The following PCDHA11 variants were observed in gnomAD, a reference collection of about 807,000 sequenced individuals.
PCDHA11 encodes protocadherin alpha-11.
In PCDHA11, 61 loss-of-function variants were observed where a neutral mutation model predicts 70.3. That is an observed-to-expected ratio of 0.87 (90% CI 0.71 to 1.07). The LOEUF is 1.07. Ranked by LOEUF, PCDHA11 falls within the 50% of genes least tolerant of loss-of-function variation. The pLI is 0.00. For missense variants in PCDHA11, 1,324 were observed against 1,237.5 expected, an observed-to-expected ratio of 1.07 and a Z score of -1.05; for synonymous variants, 633 against 555.1, an observed-to-expected ratio of 1.14 and a Z score of -1.97.
At chr5:140,989,105 T>G (rs550881823) in intron 3 of PCDHA11, 2 of 152,232 alleles carry the variant, frequency 1.3e-5, no homozygotes, top group African/African-American at 4.8e-5. Flanking sequence ...GAAACAACTT[T>G]TGAATATATC....
chr5:140,940,361 A>T (rs1396183629), intron 1 of PCDHA11, among the ~76,000 whole-genome samples: 1 of 152,210 alleles, frequency 6.6e-6, no homozygotes, highest in Non-Finnish European at 1.5e-5. Flanking sequence ...TGCTATTAAA[A>T]GTATTCCTTG....
chr5:140,941,242 T>TC (rs1312617364), intron 1 of PCDHA11, among the ~76,000 whole-genome samples: 1 of 141,172 alleles, frequency 7.1e-6, no homozygotes, highest in East Asian at 2.0e-4. Flanking sequence ...TTTCTTTCTT[T>TC]CTTTCTTTCT....
At chr5:140,902,509 A>G (rs1242435474) in intron 1 of PCDHA11, among the ~76,000 whole-genome samples, 2 of 152,056 alleles carry the variant, frequency 1.3e-5, no homozygotes, top group Non-Finnish European at 2.9e-5. Context: ...TGAGTCTGTC[A>G]TATATGGTTT....
chr5:140,975,056 A>C (rs1006106436), intron 1 of PCDHA11, among the ~76,000 whole-genome samples: 1 of 152,154 alleles, frequency 6.6e-6, no homozygotes, highest in Non-Finnish European at 1.5e-5. Flanking sequence ...AGAATCTACT[A>C]TCGAGCTCAT....
At chr5:140,992,637 G>A (rs31872) in intron 3 of PCDHA11, among the ~76,000 whole-genome samples, 103,738 of 151,942 alleles carry the variant, frequency 0.68, 36,576 homozygotes, top group African/African-American at 0.86. Flanking sequence ...AACTTCCCTG[G>A]AAAATAGAAG....
chr5:140,995,276 C>T (rs2097674050), intron 3 of PCDHA11, among the ~76,000 whole-genome samples: 4 of 152,030 alleles, frequency 2.6e-5, no homozygotes, highest in Non-Finnish European at 1.5e-5. Flanking sequence ...CCCTTTGATA[C>T]CAAAACAGCC....
intron 1 of PCDHA11, among the ~76,000 whole-genome samples, chr5:140,900,796 A>G (rs1269266602): frequency 1.3e-5 from 2 of 152,188 alleles, no homozygotes; most frequent in Admixed American, 6.5e-5. Flanking sequence ...ACTGTTCTCC[A>G]TAGTGCTTGT....
intron 1 of PCDHA11, chr5:140,883,809 G>A (rs781801106): frequency 6.2e-7 from 1 of 1,612,420 alleles, no homozygotes; most frequent in East Asian, 2.2e-5. Context: ...CACGCGGAGA[G>A]CGGCAAGGTG....
chr5:140,897,790 T>C (rs1219376194), intron 1 of PCDHA11, among the ~76,000 whole-genome samples: 378 of 152,274 alleles, frequency 2.5e-3, no homozygotes, highest in African/African-American at 8.4e-3. Flanking sequence ...GTTGAACTAG[T>C]TTAGAGTCCC....
chr5:140,928,563 T>C lies in PCDHA11; in HGVS notation c.2392-50386T>C, dbSNP rs138980511. 9.3e-4 allele frequency: 1,498 copies of C among 1,614,116 alleles called. 1 individual carries two copies. Among genetic ancestry groups the C allele is most frequent in the Non-Finnish European group, 1.2e-3 (1,397 of 1,180,050 alleles). On this transcript the variant is annotated intron_variant, in intron 1 of 3. Coordinates refer to ENST00000398640, the MANE Select transcript of PCDHA11 (RefSeq NM_018902.5). ...ATGACAATTATCCGGTTATCTTGTT[T>C]CCCTTGCCCAGAAATGGTTCTGTCC...
At chr5:140,958,133 G>T (rs1472500802) in intron 1 of PCDHA11, among the ~76,000 whole-genome samples, 2 of 152,046 alleles carry the variant, frequency 1.3e-5, no homozygotes, top group East Asian at 3.8e-4. Flanking sequence ...ATGTATCAGT[G>T]TGTATATTTA....
At chr5:140,895,389 C>T (rs553681530) in intron 1 of PCDHA11, among the ~76,000 whole-genome samples, 1 of 152,098 alleles carries the variant, frequency 6.6e-6, no homozygotes, top group South Asian at 2.1e-4. Context: ...CTTCAATTCT[C>T]AACACCATCA....
rs371557347 is a variant in PCDHA11, at chr5:140,870,420, G to T, written c.1317G>T (p.Arg439Ser). The change falls in exon 1 of 4, where the codon AGG (arginine) becomes AGT (serine). Residue 439 changes from arginine (R) to serine (S), a missense_variant. Transcript: ENST00000398640. ...CGCCTTCTCTGTGGGCCACGGCCAG[G>T]GTATCCGTGGAGGTGGCCGACGTGA... is the stretch of plus-strand genomic sequence containing the variant. ...GGSPSLWATA[R>S]VSVEVADVND... 1.4e-5 allele frequency: 23 copies of T among 1,614,116 alleles called. No homozygotes were observed. Among genetic ancestry groups the T allele is most frequent in the Non-Finnish European group, 1.9e-5 (22 of 1,180,060 alleles).
At chr5:140,968,394 G>A (rs782388354) in intron 1 of PCDHA11, 3 of 1,613,942 alleles carry the variant, frequency 1.9e-6, no homozygotes, top group Admixed American at 3.3e-5. Context: ...GAGAAGTTTC[G>A]GGAGTTCTTT....
chr5:140,991,879 G>A (rs1464021872), intron 3 of PCDHA11, among the ~76,000 whole-genome samples: 1 of 152,174 alleles, frequency 6.6e-6, no homozygotes, highest in Non-Finnish European at 1.5e-5. Flanking sequence ...TCCTAGGGCT[G>A]CCATAACAAA....
intron 1 of PCDHA11, chr5:140,967,079 A>T: frequency 1.2e-6 from 2 of 1,613,252 alleles, no homozygotes; most frequent in South Asian, 2.2e-5. Flanking sequence ...CAACGAGCGC[A>T]TTGATCGGGA....
In PCDHA11 at chr5:140,869,721, G is replaced by A. The variant is rs1554163371; in HGVS notation, c.618G>A (p.Pro206=). 1.2e-6 allele frequency: 2 copies of A among 1,613,340 alleles called. No homozygotes were observed. Among genetic ancestry groups the A allele is most frequent in the Non-Finnish European group, 1.7e-6 (2 of 1,179,854 alleles). ...AGTCTCTGGATAGAGAGAAAACTCCGGAACTTAATTTGCTGCTAACAGCTA... is the reference window on the plus strand; with the variant it reads ...AGTCTCTGGATAGAGAGAAAACTCCAGAACTTAATTTGCTGCTAACAGCTA... ...LKKSLDREKT[P]ELNLLLTATD... is the part of the protein sequence containing the mutation. Residue 206 remains proline, a synonymous_variant, in exon 1 of 4, where the codon CCG becomes CCA. Coordinates refer to ENST00000398640, the MANE Select transcript of PCDHA11 (RefSeq NM_018902.5).
chr5:140,928,014 G>A (rs1554205371), intron 1 of PCDHA11: 1 of 1,614,150 alleles, frequency 6.2e-7, no homozygotes, highest in Non-Finnish European at 8.5e-7. Flanking sequence ...CTAATGGTAG[G>A]GTCATTTGTG....
chr5:140,884,155 C>T (rs781815602), intron 1 of PCDHA11: 1 of 1,613,430 alleles, frequency 6.2e-7, no homozygotes, highest in Non-Finnish European at 8.5e-7. Flanking sequence ...TGTACACTGG[C>T]GAGATCAGCA....
Sources: allele counts gnomAD v4.1 joint callset (sites outside exome capture counted in the v4.1 genomes callset), GRCh38; gene constraint gnomAD v4.1.1; transcripts MANE v1.5; gene names NCBI Gene and HGNC (gene_info 2026-07-23, HGNC 2026-07-21).